Variants in ARHGAP12 observed in about 807,000 individuals in gnomAD.
ARHGAP12 encodes Rho GTPase activating protein 12.
In ARHGAP12, 64 loss-of-function variants were observed where a neutral mutation model predicts 108.6. The observed-to-expected ratio is 0.59, with a 90% CI of 0.48 to 0.73. ARHGAP12 has a LOEUF of 0.73. Ranked by LOEUF, ARHGAP12 falls within the 30% of genes least tolerant of loss-of-function variation. The pLI is 0.00. For missense variants in ARHGAP12, 940 were observed against 1,005.9 expected, an observed-to-expected ratio of 0.93 and a Z score of 0.89; for synonymous variants, 312 against 337.2, an observed-to-expected ratio of 0.93 and a Z score of 0.82.
At chr10:31,822,775 C>T (rs1463836013) in intron 11 of ARHGAP12, among the ~76,000 whole-genome samples, 1 of 151,938 alleles carries the variant, frequency 6.6e-6, no homozygotes, top group South Asian at 2.1e-4. Context: ...CCTGCCTTTC[C>T]CTTCCTCTAG....
chr10:31,918,017 A>T (rs1292755130), intron 1 of ARHGAP12, among the ~76,000 whole-genome samples: 2 of 151,316 alleles, frequency 1.3e-5, no homozygotes, highest in Admixed American at 6.6e-5. Context: ...GTGCAGTGGT[A>T]CCATCATAGC....
At chr10:31,825,114 C>G (rs138879929) in intron 11 of ARHGAP12, among the ~76,000 whole-genome samples, 133 of 152,146 alleles carry the variant, frequency 8.7e-4, no homozygotes, top group African/African-American at 3.0e-3. Context: ...ATTAGTAAAA[C>G]AAAACAGAAG....
At chr10:31,841,687 G>C (rs949808357) in intron 7 of ARHGAP12, among the ~76,000 whole-genome samples, 12 of 152,144 alleles carry the variant, frequency 7.9e-5, no homozygotes, top group Admixed American at 6.5e-4. Flanking sequence ...TGGGTTAGGT[G>C]TATTACATGC....
chr10:31,828,817 G>GA (rs1835720597), intron 10 of ARHGAP12, among the ~76,000 whole-genome samples: 2 of 151,924 alleles, frequency 1.3e-5, no homozygotes, highest in African/African-American at 4.8e-5. Flanking sequence ...AGTTTTCAAA[G>GA]AAAACAAATA....
intron 10 of ARHGAP12, among the ~76,000 whole-genome samples, chr10:31,827,836 G>A (rs1026983321): frequency 1.3e-5 from 2 of 151,736 alleles, no homozygotes. Context: ...TCTAAAGGAG[G>A]TTTATTTTCT....
intron 10 of ARHGAP12, among the ~76,000 whole-genome samples, chr10:31,831,238 G>T (rs1303903612): frequency 6.6e-6 from 1 of 152,130 alleles, no homozygotes; most frequent in African/African-American, 2.4e-5. Context: ...CAATGTGGCA[G>T]CTCTACAAGC....
intron 3 of ARHGAP12, among the ~76,000 whole-genome samples, chr10:31,883,077 T>C (rs371582000): frequency 2.0e-5 from 3 of 151,926 alleles, no homozygotes; most frequent in Non-Finnish European, 4.4e-5. Flanking sequence ...AGGTGGATTA[T>C]CTGAGGTCGG....
Position 31,901,534 on chromosome 10 carries a change from C to CAAAA in ARHGAP12, c.684+6634_684+6637dup, listed in dbSNP as rs61402251. Among the ~76,000 whole-genome samples, 20 of 64,258 alleles carry CAAAA rather than the reference C, an allele frequency of 3.1e-4. 1 individual carries two copies. The highest frequency in any genetic ancestry group is 1.2e-3 in the African/African-American group (20 of 16,818). The allele number at this position is 64,258 out of a possible 152,430, so 42.2% of individuals were successfully genotyped here. A position where few individuals can be genotyped will look rare whatever the true frequency, so the allele number is the denominator to read the frequency against. On this transcript the variant is annotated intron_variant, in intron 3 of 19. Coordinates refer to ENST00000344936, the MANE Select transcript of ARHGAP12 (RefSeq NM_018287.7). ...GGGTGACAGAGCAAAAACCTGGTCT[C>CAAAA]AAAAAAAAAAAAAAAAAAAAAAAAG...
intron 3 of ARHGAP12, among the ~76,000 whole-genome samples, chr10:31,877,418 A>G (rs1175614913): frequency 6.6e-6 from 1 of 152,244 alleles, no homozygotes; most frequent in Non-Finnish European, 1.5e-5. Context: ...AGGAAGACTG[A>G]CATTTATCAA....
chr10:31,826,379 G>GT lies in ARHGAP12; in HGVS notation c.1454dup (p.Asn485LysfsTer23), dbSNP rs1835607001. ...GCAACACCGCCCAAGAAGACAACCA[G>GT]TTCTTTCTGTAATTATAAAGATGAC... is the stretch of plus-strand genomic sequence containing the variant. On this transcript the variant is annotated frameshift_variant, in exon 11 of 20. Transcript: ENST00000344936. LOFTEE classifies it high-confidence loss of function. 1 of 1,608,670 alleles carries GT rather than the reference G, an allele frequency of 6.2e-7. No individual in the cohort carries two copies. The highest frequency in any genetic ancestry group is 1.3e-5 in the African/African-American group (1 of 74,634).
At chr10:31,904,073 T>C (rs1265966582) in intron 3 of ARHGAP12, among the ~76,000 whole-genome samples, 2 of 152,188 alleles carry the variant, frequency 1.3e-5, no homozygotes. Context: ...AAACTAACCA[T>C]GCAACTACTT....
At position 31,808,559 on chromosome 10, in the gene ARHGAP12, C is replaced by A. The variant is rs1249177108; in HGVS notation, c.2366+90G>T. On this transcript the variant is annotated intron_variant, in intron 19 of 19. Transcript: ENST00000344936. Reference sequence around the variant, plus strand: ...AGACAGCAAGTAGCATAGCTGGGATCCAAATCTGAGTCTGAGTGACCCTGG... The same window carrying A: ...AGACAGCAAGTAGCATAGCTGGGATACAAATCTGAGTCTGAGTGACCCTGG... 2.7e-6 allele frequency: 3 copies of A among 1,117,586 alleles called. No individual in the cohort carries two copies. In the East Asian group the frequency reaches 7.3e-5, roughly 27 times the overall value. 69.2% of individuals were successfully genotyped at this position (1,117,586 alleles called of 1,614,324 possible). A position where few individuals can be genotyped will look rare whatever the true frequency, so the allele number is the denominator to read the frequency against.
intron 5 of ARHGAP12, among the ~76,000 whole-genome samples, chr10:31,853,196 C>G (rs565674036): frequency 2.0e-5 from 3 of 152,282 alleles, no homozygotes; most frequent in South Asian, 4.2e-4. Flanking sequence ...ATACGATGTA[C>G]ATATGCACTG....
At chr10:31,907,407 C>T in intron 3 of ARHGAP12, among the ~76,000 whole-genome samples, 1 of 151,522 alleles carries the variant, frequency 6.6e-6, no homozygotes, top group Admixed American at 6.6e-5. Context: ...GCAGAAGGAT[C>T]ACTTGAGCCC....
chr10:31,867,118 G>GTT lies in ARHGAP12; in HGVS notation c.685-5462_685-5461dup, dbSNP rs1323433083. ...ATAAGAACCTTGTTTTCTTTTTTTT[G>GTT]TTTTTTTTTTTTTTGAGACGGAGTC... On this transcript the variant is annotated intron_variant, in intron 3 of 19. Coordinates refer to ENST00000344936, the MANE Select transcript of ARHGAP12 (RefSeq NM_018287.7). Among the ~76,000 whole-genome samples, 334 of 138,518 alleles carry GTT rather than the reference G, an allele frequency of 2.4e-3. 3 individuals carry two copies. Among genetic ancestry groups the GTT allele is most frequent in the Middle Eastern group, 7.4e-3 (2 of 270 alleles). 90.9% of individuals were successfully genotyped at this position (138,518 alleles called of 152,430 possible).
intron 3 of ARHGAP12, among the ~76,000 whole-genome samples, chr10:31,880,408 A>C (rs573291368): frequency 6.6e-6 from 1 of 152,264 alleles, no homozygotes; most frequent in South Asian, 2.1e-4. Flanking sequence ...CAGGAGTTTG[A>C]GACCAGGCTA....
chr10:31,850,071 C>T (rs1482321883), intron 6 of ARHGAP12, among the ~76,000 whole-genome samples: 1 of 152,120 alleles, frequency 6.6e-6, no homozygotes, highest in Non-Finnish European at 1.5e-5. Flanking sequence ...TCAAAAGCAG[C>T]CTTGTGACTG....
At chr10:31,809,970 G>A (rs1444901170) in intron 16 of ARHGAP12, among the ~76,000 whole-genome samples, 1 of 152,118 alleles carries the variant, frequency 6.6e-6, no homozygotes, top group Non-Finnish European at 1.5e-5. Flanking sequence ...CAATAGTGTA[G>A]TATCCCTATT....
At chr10:31,834,505 T>C (rs1835941256) in intron 9 of ARHGAP12, among the ~76,000 whole-genome samples, 1 of 152,248 alleles carries the variant, frequency 6.6e-6, no homozygotes, top group Admixed American at 6.5e-5. Flanking sequence ...CCACCAGAAC[T>C]GTGAGAAATA....
Sources: allele counts gnomAD v4.1 joint callset (sites outside exome capture counted in the v4.1 genomes callset), GRCh38; gene constraint gnomAD v4.1.1; transcripts MANE v1.5; gene names NCBI Gene and HGNC (gene_info 2026-07-23, HGNC 2026-07-21).